The following CGNL1 variants were observed in gnomAD, a reference collection of about 807,000 sequenced individuals.
CGNL1 encodes the protein cingulin-like protein 1.
A neutral mutation model predicts 141.2 loss-of-function variants in CGNL1; 132 were observed. The observed-to-expected ratio is 0.93, with a 90% CI of 0.81 to 1.08. The LOEUF is 1.08. Ranked by LOEUF, CGNL1 falls within the 50% of genes least tolerant of loss-of-function variation. The probability of loss-of-function intolerance (pLI) is 0.00; values close to 1 mark genes in which losing one functional copy is unlikely to be tolerated. For missense variants in CGNL1, 1,870 were observed against 1,588.6 expected, an observed-to-expected ratio of 1.18 and a Z score of -3.01; for synonymous variants, 690 against 622.1, an observed-to-expected ratio of 1.11 and a Z score of -1.63.
chr15:57,469,960 A>T (rs1022976449), intron 8 of CGNL1, among the ~76,000 whole-genome samples: 1 of 152,212 alleles, frequency 6.6e-6, no homozygotes, highest in Admixed American at 6.5e-5. Context: ...CCCTTAAGAC[A>T]TGGCTAATTC....
At chr15:57,505,223 C>G (rs141293591) in intron 8 of CGNL1, among the ~76,000 whole-genome samples, 81 of 152,298 alleles carry the variant, frequency 5.3e-4, no homozygotes, top group African/African-American at 1.8e-3. Context: ...TAATTCCTTC[C>G]TGGACACTGT....
intron 8 of CGNL1, among the ~76,000 whole-genome samples, chr15:57,510,378 A>T (rs2030173671): frequency 6.6e-6 from 1 of 152,242 alleles, no homozygotes; most frequent in Non-Finnish European, 1.5e-5. Flanking sequence ...TTTGGATCTG[A>T]TCTGGCTGAC....
Position 57,524,680 on chromosome 15 carries a change from CAA to C in CGNL1, c.2970_2971del (p.Arg991ThrfsTer22). ...AAACCGCAGGGAGCTCGCAGAAATG[CAA>C]AGACAGTTGAAGGAGAAAACGCTGG... ...EKNRRELAEM[Q>X]RQLKEKTLEA... On this transcript the variant is annotated frameshift_variant, in exon 12 of 19. Transcript: ENST00000281282. LOFTEE classifies it high-confidence loss of function. 1 of 1,614,168 alleles carries C rather than the reference CAA, an allele frequency of 6.2e-7. No individual in the cohort carries two copies. Among genetic ancestry groups the C allele is most frequent in the Non-Finnish European group, 8.5e-7 (1 of 1,180,032 alleles).
At chr15:57,543,873 C>A in intron 15 of CGNL1, 94 bp downstream of exon 15, 1 of 872,186 alleles carries the variant, frequency 1.1e-6, no homozygotes, top group East Asian at 2.5e-5. Flanking sequence ...GAGGTCCCTC[C>A]TTTACTTGGC....
At chr15:57,454,972 T>C (rs1260474201) in intron 7 of CGNL1, among the ~76,000 whole-genome samples, 1 of 152,204 alleles carries the variant, frequency 6.6e-6, no homozygotes, top group Non-Finnish European at 1.5e-5. Flanking sequence ...CTATAATCTC[T>C]GTTTGCCTCC....
intron 14 of CGNL1, among the ~76,000 whole-genome samples, chr15:57,540,391 A>T (rs941753208): frequency 2.0e-5 from 3 of 152,148 alleles, no homozygotes; most frequent in Admixed American, 2.0e-4. Flanking sequence ...TGTGCAGGGG[A>T]ATTTCCCTTT....
intron 8 of CGNL1, among the ~76,000 whole-genome samples, chr15:57,464,586 G>A (rs371508354): frequency 6.6e-6 from 1 of 152,040 alleles, no homozygotes; most frequent in African/African-American, 2.4e-5. Context: ...AATTTTTTCA[G>A]TGGTGATGTG....
chr15:57,469,816 T>C (rs570579388), intron 8 of CGNL1, among the ~76,000 whole-genome samples: 1 of 152,218 alleles, frequency 6.6e-6, no homozygotes, highest in African/African-American at 2.4e-5. Context: ...TTTGGTACCG[T>C]GTTCCCACGT....
chr15:57,480,203 A>C (rs567839535), intron 8 of CGNL1, among the ~76,000 whole-genome samples: 2 of 152,138 alleles, frequency 1.3e-5, no homozygotes, highest in Admixed American at 1.3e-4. Flanking sequence ...GGGTCTCTCT[A>C]TCCACAGCAT....
intron 8 of CGNL1, among the ~76,000 whole-genome samples, chr15:57,464,458 G>A (rs1386889703): frequency 6.6e-6 from 1 of 152,150 alleles, no homozygotes; most frequent in Admixed American, 6.5e-5. Flanking sequence ...AGCCTCTTGA[G>A]CTCAGCATGG....
Position 57,544,610 on chromosome 15 carries a change from C to G in CGNL1, c.3500+13C>G. 1 of 1,565,114 alleles carries G rather than the reference C, an allele frequency of 6.4e-7. No individual in the cohort carries two copies. Among genetic ancestry groups the G allele is most frequent in the Non-Finnish European group, 8.7e-7 (1 of 1,154,358 alleles). On this transcript the variant is annotated intron_variant, in intron 16 of 18. Coordinates refer to ENST00000281282, the MANE Select transcript of CGNL1 (RefSeq NM_032866.5). ...AGAGTGAGGAGAGGTGAGCCGGGCC[C>G]ACCCACTGCAGTGCGGAGGCCCCAG...
chr15:57,481,539 A>C (rs137917630), intron 8 of CGNL1, among the ~76,000 whole-genome samples: 2 of 152,264 alleles, frequency 1.3e-5, no homozygotes, highest in Non-Finnish European at 2.9e-5. Context: ...TTTATTGCTC[A>C]GTGGTATTCT....
intron 1 of CGNL1, among the ~76,000 whole-genome samples, chr15:57,437,769 A>C (rs7181770): frequency 0.075 from 11,466 of 152,224 alleles, 465 homozygotes; most frequent in South Asian, 0.17. Flanking sequence ...AGTGGTGACA[A>C]ACTCAGTGGC....
chr15:57,519,089 G>A (rs1461127889), intron 10 of CGNL1, among the ~76,000 whole-genome samples: 1 of 152,198 alleles, frequency 6.6e-6, no homozygotes, highest in Non-Finnish European at 1.5e-5. Context: ...AAAATCAGTA[G>A]GTTCTTAGAA....
At chr15:57,426,783 G>A (rs916231055) in intron 1 of CGNL1, among the ~76,000 whole-genome samples, 15 of 152,202 alleles carry the variant, frequency 9.9e-5, no homozygotes, top group Non-Finnish European at 2.9e-5. Flanking sequence ...TGCTTTGAAA[G>A]GAGACATGAA....
intron 7 of CGNL1, among the ~76,000 whole-genome samples, chr15:57,457,585 T>C (rs1412247813): frequency 6.6e-6 from 1 of 152,200 alleles, no homozygotes. Context: ...TTTAATGTAC[T>C]CACAGTTCCA....
rs1194476566 is a variant in CGNL1, at chr15:57,547,363, A to T, written c.3782A>T (p.Lys1261Met). The change falls in exon 19 of 19, where the codon AAG becomes ATG. Residue 1261 changes from lysine (K) to methionine (M), a missense_variant. By Grantham distance (95) the Lys-to-Met change is moderately conservative. Transcript: ENST00000281282. The part of the protein sequence containing the change: ...NSMKKDLRLK[K>M]LPSKVLDDMD... Reference sequence around the variant, plus strand: ...CCTTGTCATTTCAGCAGACTGAAGAAGCTGCCGAGTAAAGTGCTGGATGAC... The same window carrying T: ...CCTTGTCATTTCAGCAGACTGAAGATGCTGCCGAGTAAAGTGCTGGATGAC... The T allele has an allele frequency of 1.9e-6, 3 of 1,614,070 alleles. No homozygotes were observed. The highest frequency in any genetic ancestry group is 2.5e-6 in the Non-Finnish European group (3 of 1,180,026).
intron 8 of CGNL1, among the ~76,000 whole-genome samples, chr15:57,484,727 C>T (rs1164834397): frequency 6.6e-6 from 1 of 152,048 alleles, no homozygotes; most frequent in Non-Finnish European, 1.5e-5. Context: ...CCCCCCAATC[C>T]ACTGACAGGC....
intron 10 of CGNL1, 49 bp downstream of exon 10, chr15:57,518,546 A>AGAC: frequency 8.0e-7 from 1 of 1,248,590 alleles, no homozygotes; most frequent in Non-Finnish European, 1.2e-6. Context: ...GAATGCATAG[A>AGAC]GACGCAACAC....
Sources: gnomAD v4.1 joint callset for allele counts (sites outside exome capture counted in the v4.1 genomes callset) on GRCh38, gnomAD v4.1.1 for gene constraint, MANE v1.5 for transcripts, NCBI Gene and HGNC (gene_info 2026-07-23, HGNC 2026-07-21) for gene names.